The following C12orf42 variants were observed in gnomAD, a reference collection of about 807,000 sequenced individuals.
The protein encoded by C12orf42 is chromosome 12 open reading frame 42, also known as uncharacterized protein C12orf42.
C12orf42 carries 25 observed loss-of-function variants against 21.6 expected under a neutral mutation model. The ratio of observed to expected loss-of-function variants is 1.16; its 90% CI spans 0.84 to 1.62. The LOEUF is 1.62. Ranked by LOEUF, C12orf42 falls within the 40% of genes most tolerant of loss-of-function variation. C12orf42 has a pLI of 0.00. For missense variants in C12orf42, 483 were observed against 459.3 expected, an observed-to-expected ratio of 1.05 and a Z score of -0.47; for synonymous variants, 174 against 175.0, an observed-to-expected ratio of 0.99 and a Z score of 0.05.
intron 4 of C12orf42, chr12:103,367,983 CG>C: frequency 1.0e-6 from 1 of 987,582 alleles, no homozygotes; most frequent in Non-Finnish European, 1.4e-6. Flanking sequence ...CAAAATAATG[CG>C]TTGTTCAAAT....
chr12:103,402,369 T>G (rs2048076529), intron 2 of C12orf42, among the ~76,000 whole-genome samples: 1 of 152,226 alleles, frequency 6.6e-6, no homozygotes, highest in African/African-American at 2.4e-5. Flanking sequence ...CAAACCTTAA[T>G]AAGATAATAT....
intron 4 of C12orf42, among the ~76,000 whole-genome samples, chr12:103,364,267 A>T (rs2044382722): frequency 6.6e-6 from 1 of 152,124 alleles, no homozygotes; most frequent in Non-Finnish European, 1.5e-5. Context: ...AACGAAATCG[A>T]TAGAAATTTA....
chr12:103,172,895 C>T, the C12orf42 span, among the ~76,000 whole-genome samples: 3 of 152,110 alleles, frequency 2.0e-5, no homozygotes. Flanking sequence ...ATTAAAGTTT[C>T]CACCACATAA....
chr12:103,074,539 CT>C, the C12orf42 span, among the ~76,000 whole-genome samples: 1 of 152,116 alleles, frequency 6.6e-6, no homozygotes, highest in Non-Finnish European at 1.5e-5. Flanking sequence ...TAGGGCACCC[CT>C]CCTGATTATA....
chr12:103,241,105 A>G (rs2033714974), intron 10 of C12orf42, among the ~76,000 whole-genome samples: 1 of 152,144 alleles, frequency 6.6e-6, no homozygotes, highest in Non-Finnish European at 1.5e-5. Context: ...TTGACAAAGA[A>G]GTTATAAAAA....
chr12:103,513,018 G>A, the C12orf42 span, among the ~76,000 whole-genome samples: 1 of 149,778 alleles, frequency 6.7e-6, no homozygotes, highest in African/African-American at 2.5e-5. Flanking sequence ...AAAAAAAAAA[G>A]TAGATAGTAG....
chr12:103,201,702 T>C, the C12orf42 span, among the ~76,000 whole-genome samples: 3 of 152,172 alleles, frequency 2.0e-5, no homozygotes, highest in East Asian at 5.8e-4. Context: ...CCAGCCACTA[T>C]GCTTCTCATC....
chr12:103,361,686 A>G (rs905902099), intron 4 of C12orf42, among the ~76,000 whole-genome samples: 7 of 152,040 alleles, frequency 4.6e-5, no homozygotes, highest in African/African-American at 1.7e-4. Context: ...GAGTGAGATT[A>G]GCCTTTTGTG....
At chr12:103,049,519 A>G in the C12orf42 span, among the ~76,000 whole-genome samples, 1 of 152,168 alleles carries the variant, frequency 6.6e-6, no homozygotes, top group Non-Finnish European at 1.5e-5. Flanking sequence ...TTCTGTTCTC[A>G]TCACAGCAAT....
the C12orf42 span, among the ~76,000 whole-genome samples, chr12:103,529,516 G>T: frequency 6.6e-6 from 1 of 152,130 alleles, no homozygotes; most frequent in Non-Finnish European, 1.5e-5. Context: ...ACACCATTCT[G>T]AACAATACCA....
intron 2 of C12orf42, among the ~76,000 whole-genome samples, chr12:103,442,139 A>G (rs903965846): frequency 6.6e-6 from 1 of 152,108 alleles, no homozygotes; most frequent in Non-Finnish European, 1.5e-5. Context: ...GAAAGGCTCC[A>G]TCTCAAAAAT....
At chr12:103,256,881 T>TAGAC (rs1201814278) in intron 10 of C12orf42, among the ~76,000 whole-genome samples, 1 of 152,236 alleles carries the variant, frequency 6.6e-6, no homozygotes, top group African/African-American at 2.4e-5. Flanking sequence ...AAGCAGTGTA[T>TAGAC]AGACATTCCC....
chr12:103,556,345 G>C, the C12orf42 span, among the ~76,000 whole-genome samples: 76 of 152,256 alleles, frequency 5.0e-4, no homozygotes, highest in East Asian at 0.014. Context: ...AACTTCTCAT[G>C]GTACATCACT....
the C12orf42 span, among the ~76,000 whole-genome samples, chr12:103,517,961 G>GTGGTTGTTTTT: frequency 4.6e-5 from 7 of 151,938 alleles, no homozygotes; most frequent in African/African-American, 1.7e-4. Context: ...CTCCATTTTT[G>GTGGTTGTTTTT]TGGTTGTTTT....
At chr12:103,537,443 G>T in the C12orf42 span, among the ~76,000 whole-genome samples, 8 of 152,256 alleles carry the variant, frequency 5.3e-5, no homozygotes, top group Admixed American at 4.6e-4. Flanking sequence ...AACAAATCTG[G>T]TTCAATATTT....
intron 4 of C12orf42, among the ~76,000 whole-genome samples, chr12:103,280,691 C>A (rs1034760604): frequency 1.3e-5 from 2 of 152,114 alleles, no homozygotes; most frequent in Non-Finnish European, 2.9e-5. Context: ...ATAAATAATA[C>A]TAGTTATGAA....
At chr12:103,515,313 T>A in the C12orf42 span, among the ~76,000 whole-genome samples, 1 of 152,228 alleles carries the variant, frequency 6.6e-6, no homozygotes, top group Admixed American at 6.5e-5. Flanking sequence ...AAATGCATAG[T>A]GACCTGTGCT....
At chr12:103,110,343 A>T in the C12orf42 span, among the ~76,000 whole-genome samples, 1 of 152,234 alleles carries the variant, frequency 6.6e-6, no homozygotes. Flanking sequence ...AAACACACAA[A>T]GCAAGATTAC....
At chr12:103,557,085 G>A in the C12orf42 span, among the ~76,000 whole-genome samples, 1 of 152,164 alleles carries the variant, frequency 6.6e-6, no homozygotes. Flanking sequence ...TAGATTTGTG[G>A]TAATCTGTTC....
Sources: allele counts gnomAD v4.1 joint callset (sites outside exome capture counted in the v4.1 genomes callset), GRCh38; gene constraint gnomAD v4.1.1; transcripts MANE v1.5; gene names NCBI Gene and HGNC (gene_info 2026-07-23, HGNC 2026-07-21).